Variants in ADGRB3 observed in about 807,000 individuals in gnomAD.
ADGRB3 encodes the protein brain-specific angiogenesis inhibitor 3.
Under a neutral mutation model 193.4 loss-of-function variants are expected in ADGRB3, and 37 were observed. That is an observed-to-expected ratio of 0.19 (90% confidence interval 0.15 to 0.25). The LOEUF (loss-of-function observed/expected upper bound fraction) is 0.25, where lower values mean the gene tolerates loss of function less well. ADGRB3 is among the 10% of genes least tolerant of loss of function. The pLI is 1.00. For missense variants in ADGRB3, 1,637 were observed against 1,852.9 expected, an observed-to-expected ratio of 0.88 and a Z score of 2.14; for synonymous variants, 690 against 644.2, an observed-to-expected ratio of 1.07 and a Z score of -1.08.
chr6:68,731,800 A>G (rs1024794440), intron 3 of ADGRB3, among the ~76,000 whole-genome samples: 1 of 151,670 alleles, frequency 6.6e-6, no homozygotes, highest in African/African-American at 2.4e-5. Context: ...TTAGTGATTT[A>G]TAGACATGTG....
intron 17 of ADGRB3, among the ~76,000 whole-genome samples, chr6:69,168,790 AT>A (rs1775196395): frequency 6.6e-6 from 1 of 152,116 alleles, no homozygotes; most frequent in Non-Finnish European, 1.5e-5. Flanking sequence ...ACAGAATATC[AT>A]TTTGTCCTCT....
At chr6:69,098,980 A>T (rs552349861) in intron 17 of ADGRB3, among the ~76,000 whole-genome samples, 18 of 152,354 alleles carry the variant, frequency 1.2e-4, no homozygotes, top group Non-Finnish European at 2.4e-4. Context: ...GTTAAAATTA[A>T]TTTTAAATAG....
intron 3 of ADGRB3, among the ~76,000 whole-genome samples, chr6:68,644,837 ATTTG>A (rs1768164355): frequency 6.6e-6 from 1 of 152,184 alleles, no homozygotes; most frequent in Non-Finnish European, 1.5e-5. Flanking sequence ...ACTTAAGTGC[ATTTG>A]TTTGTATGTA....
At chr6:68,856,698 A>G (rs1042259031) in intron 3 of ADGRB3, among the ~76,000 whole-genome samples, 3 of 152,252 alleles carry the variant, frequency 2.0e-5, no homozygotes, top group Non-Finnish European at 4.4e-5. Flanking sequence ...CCTATGTGAT[A>G]GAAAATAAAA....
intron 6 of ADGRB3, among the ~76,000 whole-genome samples, chr6:68,947,643 T>A (rs1767807991): frequency 6.6e-6 from 1 of 152,158 alleles, no homozygotes; most frequent in Admixed American, 6.6e-5. Flanking sequence ...TTTTACCTTT[T>A]AATATAATTG....
intron 3 of ADGRB3, among the ~76,000 whole-genome samples, chr6:68,856,131 C>T (rs1197230293): frequency 6.6e-6 from 1 of 152,176 alleles, no homozygotes; most frequent in Admixed American, 6.5e-5. Context: ...GATTGTGAGG[C>T]TTCCCCAGCC....
At chr6:68,912,024 AT>A (rs1454570096) in intron 3 of ADGRB3, among the ~76,000 whole-genome samples, 1 of 152,098 alleles carries the variant, frequency 6.6e-6, no homozygotes, top group Non-Finnish European at 1.5e-5. Context: ...AAAATAAAGT[AT>A]TTGTATGATT....
At chr6:69,065,035 C>T (rs754090206) in intron 16 of ADGRB3, among the ~76,000 whole-genome samples, 8 of 151,984 alleles carry the variant, frequency 5.3e-5, no homozygotes, top group Non-Finnish European at 1.0e-4. Flanking sequence ...TAAGCACCAG[C>T]TAGTACTGGA....
intron 17 of ADGRB3, among the ~76,000 whole-genome samples, chr6:69,217,759 A>G (rs62406842): frequency 0.14 from 21,566 of 152,250 alleles, 1,594 homozygotes; most frequent in Middle Eastern, 0.16. Context: ...TTCTCTTCAC[A>G]GCCCCTTTGG....
At chr6:68,879,213 C>CTTTTT (rs529789046) in intron 3 of ADGRB3, among the ~76,000 whole-genome samples, 29 of 91,916 alleles carry the variant, frequency 3.2e-4, no homozygotes, top group African/African-American at 6.3e-4. Flanking sequence ...CTTTTTGTCG[C>CTTTTT]TTTTTTTTTT....
chr6:69,176,319 C>T (rs1391522122), intron 17 of ADGRB3, among the ~76,000 whole-genome samples: 2 of 152,126 alleles, frequency 1.3e-5, no homozygotes, highest in African/African-American at 2.4e-5. Context: ...CCTATGATGT[C>T]TAGTTTCTTC....
intron 17 of ADGRB3, among the ~76,000 whole-genome samples, chr6:69,174,068 T>TTTTA (rs10665576): frequency 1 from 152,314 of 152,314 alleles, 76,157 homozygotes; most frequent in Non-Finnish European, 1. Flanking sequence ...ACTCATGTAC[T>TTTTA]TTTTTCTTTT....
In ADGRB3 at chr6:69,267,106, T is replaced by C. The variant is rs138616092; in HGVS notation, c.2814+27880T>C. 2.3e-3 allele frequency among the ~76,000 whole-genome samples: 350 copies of C among 152,260 alleles called. 2 individuals carry two copies. The highest frequency in any genetic ancestry group is 0.011 in the South Asian group (52 of 4,830). ...TTCCCCAACTCTATTTGTCTATTTG[T>C]CAGGGCGAGGCTTTTTTTAAATTTT... On this transcript the variant is annotated intron_variant, in intron 20 of 31. Transcript: ENST00000370598.
chr6:69,360,834 ACT>A (rs753505184), intron 28 of ADGRB3, 33 bp from the exon 29 acceptor site: 1 of 1,529,072 alleles, frequency 6.5e-7, no homozygotes, highest in African/African-American at 1.4e-5. Flanking sequence ...ACACACATTA[ACT>A]CTCTTTCTTC....
At chr6:69,121,260 C>T (rs947824587) in intron 17 of ADGRB3, among the ~76,000 whole-genome samples, 2 of 152,000 alleles carry the variant, frequency 1.3e-5, no homozygotes, top group African/African-American at 4.8e-5. Flanking sequence ...CATCTTGCAC[C>T]GCCCTTAATC....
intron 3 of ADGRB3, among the ~76,000 whole-genome samples, chr6:68,698,314 T>G (rs181566283): frequency 3.3e-4 from 50 of 152,068 alleles, no homozygotes; most frequent in Admixed American, 2.2e-3. Context: ...TTAGAGAATG[T>G]TTAAATGAGG....
intron 17 of ADGRB3, among the ~76,000 whole-genome samples, chr6:69,228,330 G>A (rs1409010912): frequency 6.6e-6 from 1 of 152,082 alleles, no homozygotes; most frequent in East Asian, 1.9e-4. Context: ...ACAGTGTCAG[G>A]GATTCAAAGT....
chr6:69,181,073 C>G (rs899727878), intron 17 of ADGRB3, among the ~76,000 whole-genome samples: 1 of 152,148 alleles, frequency 6.6e-6, no homozygotes, highest in Non-Finnish European at 1.5e-5. Flanking sequence ...ACAGAGGGCT[C>G]TCTGTCTGTC....
At chr6:69,213,399 G>A (rs1561954695) in intron 17 of ADGRB3, among the ~76,000 whole-genome samples, 1 of 152,080 alleles carries the variant, frequency 6.6e-6, no homozygotes, top group Admixed American at 6.5e-5. Context: ...ACCATGACTG[G>A]CAATCATTAA....
Sources: allele counts gnomAD v4.1 joint callset (sites outside exome capture counted in the v4.1 genomes callset), GRCh38; gene constraint gnomAD v4.1.1; transcripts MANE v1.5; gene names NCBI Gene and HGNC (gene_info 2026-07-23, HGNC 2026-07-21).